Variants in ACAN observed in about 807,000 individuals in gnomAD.
ACAN encodes the protein aggrecan, also known as aggrecan core protein.
Under a neutral mutation model 169.1 loss-of-function variants are expected in ACAN, and 47 were observed. The ratio of observed to expected loss-of-function variants is 0.28; its 90% confidence interval spans 0.22 to 0.35. The LOEUF is 0.35. ACAN is among the 10% of genes least tolerant of loss of function. ACAN has a pLI of 1.00. For missense variants in ACAN, 2,716 were observed against 2,759.9 expected (o/e 0.98, Z 0.36); for synonymous variants, 1,115 against 1,112.2 (o/e 1.00, Z -0.05).
rs1896879709 is a variant in ACAN at position 88,849,515 on chromosome 15, A to G, written c.1810A>G (p.Thr604Ala). ...GGAGTTCTGTGAATCTCACAATGCT[A>G]CGCTGGCCACCACGGGCCAGCTCTA... is the stretch of plus-strand genomic sequence containing the variant. ...ALEFCESHNA[T>A]LATTGQLYAA... The change falls in exon 10 of 19, where the codon ACG becomes GCG. Residue 604 changes from threonine (T) to alanine (A), a missense_variant. This residue lies in a region of ACAN where 1,283 missense variants were observed against 1,281.5 expected (regional missense o/e 1.00). Transcript: ENST00000560601. This position sits in a 1 kb window ranked among gnomAD's most constrained non-coding sequence, Gnocchi z 5.1. The G allele has an allele frequency of 6.2e-7, 1 of 1,606,814 alleles. No homozygotes were observed. The highest frequency in any genetic ancestry group is 1.7e-5 in the Admixed American group (1 of 59,174).
intron 1 of ACAN, among the ~76,000 whole-genome samples, chr15:88,806,124 C>T (rs558470482): frequency 6.6e-6 from 1 of 152,266 alleles, no homozygotes; most frequent in African/African-American, 2.4e-5. Flanking sequence ...GGCTTCATTT[C>T]CTCTTCTCTA....
chr15:88,874,088 C>T lies in ACAN; in HGVS notation c.7630+64C>T. 2 of 1,583,830 alleles carry T rather than the reference C, an allele frequency of 1.3e-6. No homozygotes were observed. Among genetic ancestry groups the T allele is most frequent in the Non-Finnish European group, 8.5e-7 (1 of 1,169,930 alleles). Reference sequence around the variant, plus strand: ...AGATTCTGCCAGCACAGCCTTCCCCCCGTCCCCTCTCCTGGGGACCCTACA... The same window carrying T: ...AGATTCTGCCAGCACAGCCTTCCCCTCGTCCCCTCTCCTGGGGACCCTACA... On this transcript the variant is annotated intron_variant, in intron 18 of 18. Transcript: ENST00000560601. This position sits in a 1 kb window ranked among gnomAD's most constrained non-coding sequence, Gnocchi z 7.3.
chr15:88,867,427 C>T (rs1295715040), intron 13 of ACAN, among the ~76,000 whole-genome samples: 1 of 152,198 alleles, frequency 6.6e-6, no homozygotes, highest in African/African-American at 2.4e-5. Context: ...GCTTGTCTCC[C>T]ACTGGCCAGG....
intron 6 of ACAN, among the ~76,000 whole-genome samples, 198 bp from the exon 7 acceptor site, chr15:88,845,307 A>G (rs1039580425): frequency 1.3e-5 from 2 of 152,142 alleles, no homozygotes; most frequent in African/African-American, 4.8e-5. Context: ...GCAATCTTGA[A>G]ACTGTGGGGA....
intron 1 of ACAN, among the ~76,000 whole-genome samples, chr15:88,811,394 G>T (rs571869721): frequency 1.3e-5 from 2 of 152,328 alleles, no homozygotes; most frequent in African/African-American, 4.8e-5. Context: ...CCAGGCCAAG[G>T]GGCAAGGGGA....
chr15:88,846,323 G>A (rs1419055562), intron 7 of ACAN, among the ~76,000 whole-genome samples: 4 of 152,226 alleles, frequency 2.6e-5, no homozygotes, highest in African/African-American at 7.2e-5. Flanking sequence ...ACTGTGGCCA[G>A]TGGGCTGGGT....
In ACAN at chr15:88,874,658, C is replaced by A; in HGVS notation, c.*177C>A. Reference sequence around the variant, plus strand: ...GCACCCACTCACCCCTCCAAATCAGCAAAACCGCATCTAATTTGTCCGCCG... The same window carrying A: ...GCACCCACTCACCCCTCCAAATCAGAAAAACCGCATCTAATTTGTCCGCCG... On this transcript the variant is annotated 3_prime_UTR_variant, in exon 19 of 19. Coordinates refer to ENST00000560601, the MANE Select transcript of ACAN (RefSeq NM_001369268.1). This position sits in a 1 kb window ranked among gnomAD's most constrained non-coding sequence, Gnocchi z 7.3. The A allele has an allele frequency of 1.4e-6, 1 of 703,064 alleles. No individual in the cohort carries two copies. The highest frequency in any genetic ancestry group is 2.6e-6 in the Non-Finnish European group (1 of 391,448). The allele number at this position is 703,064 out of a possible 1,614,324, so 43.6% of individuals were successfully genotyped here. A position where few individuals can be genotyped will look rare whatever the true frequency, so the allele number is the denominator to read the frequency against.
intron 1 of ACAN, among the ~76,000 whole-genome samples, chr15:88,811,950 C>T (rs1186144285): frequency 6.6e-6 from 1 of 151,830 alleles, no homozygotes; most frequent in Non-Finnish European, 1.5e-5. Flanking sequence ...GAGATTCCCA[C>T]TTGTTTCCTA....
Position 88,871,372 on chromosome 15 carries a change from T to G in ACAN, c.7061-10T>G, listed in dbSNP as rs1421108161. Reference sequence around the variant, plus strand: ...TGCCCCTCCCTTCAAGCCCCTGACCTGTGTTGCAGACCAGGAGGTATGTGA... The same window carrying G: ...TGCCCCTCCCTTCAAGCCCCTGACCGGTGTTGCAGACCAGGAGGTATGTGA... On this transcript the variant is annotated splice_polypyrimidine_tract_variant and intron_variant, in intron 14 of 18. Coordinates refer to ENST00000560601, the MANE Select transcript of ACAN (RefSeq NM_001369268.1). This position sits in a 1 kb window ranked among gnomAD's most constrained non-coding sequence, Gnocchi z 7.8. 1 of 1,613,726 alleles carries G rather than the reference T, an allele frequency of 6.2e-7. No homozygotes were observed.
Position 88,854,959 on chromosome 15 carries a change from G to T in ACAN, c.2374G>T (p.Val792Leu). ...CTCAGAGGAACCATCCCCCTCAGAG[G>T]TGCCATTCCCCTCAGAGGAGCCATC... ...SASEEPSPSE[V>L]PFPSEEPSPS... is the part of the protein sequence containing the mutation. Residue 792 changes from valine to leucine, a missense_variant, in exon 12 of 19, where the codon GTG becomes TTG. By Grantham distance (32) the Val-to-Leu change is conservative (BLOSUM62 1). Around this residue, in one of 3 missense-constraint regions of ACAN, gnomAD observed 1,283 missense variants for 1,281.5 expected, o/e 1.00. Coordinates refer to ENST00000560601, the MANE Select transcript of ACAN (RefSeq NM_001369268.1). 4 of 1,599,850 alleles carry T rather than the reference G, an allele frequency of 2.5e-6. No individual in the cohort carries two copies. The highest frequency in any genetic ancestry group is 3.4e-6 in the Non-Finnish European group (4 of 1,173,628).
Position 88,845,591 on chromosome 15 carries a change from A to C in ACAN, c.1138A>C (p.Met380Leu). 1 of 1,614,056 alleles carries C rather than the reference A, an allele frequency of 6.2e-7. No homozygotes were observed. Among genetic ancestry groups the C allele is most frequent in the Non-Finnish European group, 8.5e-7 (1 of 1,179,910 alleles). The change falls in exon 7 of 19, where the codon ATG becomes CTG. Residue 380 changes from methionine to leucine, a missense_variant. This residue lies in a region of ACAN where 1,283 missense variants were observed against 1,281.5 expected (regional missense o/e 1.00). Coordinates refer to ENST00000560601, the MANE Select transcript of ACAN (RefSeq NM_001369268.1). ...CGTCCAGACAGTGACCTGGCCTGAC[A>C]TGGAGCTGCCACTGCCTCGAAACAT... ...ITVQTVTWPD[M>L]ELPLPRNITE...
At chr15:88,823,513 T>C (rs1896130188) in intron 1 of ACAN, among the ~76,000 whole-genome samples, 1 of 152,130 alleles carries the variant, frequency 6.6e-6, no homozygotes. Flanking sequence ...TTCTCCACTT[T>C]AAACTGGTTT....
chr15:88,809,364 C>T (rs1271137170), intron 1 of ACAN, among the ~76,000 whole-genome samples: 5 of 152,140 alleles, frequency 3.3e-5, no homozygotes, highest in African/African-American at 1.2e-4. Context: ...AACTGCTTCA[C>T]CTCTCAGCCT....
rs1896942997 is a variant in ACAN, at chr15:88,852,008, C to A, written c.2241C>A (p.Thr747=). Reference sequence around the variant, plus strand: ...AGACAGAATGGGAACCAGCCTATACCCCAGTGGGCACATCCCCGCTGCCAG... The same window carrying A: ...AGACAGAATGGGAACCAGCCTATACACCAGTGGGCACATCCCCGCTGCCAG... ...ENQTEWEPAY[T]PVGTSPLPGI... Residue 747 remains threonine (T), a synonymous_variant, in exon 11 of 19, where the codon ACC becomes ACA. Coordinates refer to ENST00000560601, the MANE Select transcript of ACAN (RefSeq NM_001369268.1). 1 of 1,608,548 alleles carries A rather than the reference C, an allele frequency of 6.2e-7. No homozygotes were observed. Among genetic ancestry groups the A allele is most frequent in the East Asian group, 2.2e-5 (1 of 44,540 alleles).
chr15:88,848,486 G>A (rs1396599155), intron 9 of ACAN, among the ~76,000 whole-genome samples: 2 of 152,170 alleles, frequency 1.3e-5, no homozygotes, highest in Non-Finnish European at 2.9e-5. Context: ...AGAGGCAGAG[G>A]TGCCTCAATG....
chr15:88,874,326 G>A lies in ACAN; in HGVS notation c.7631-79G>A. On this transcript the variant is annotated intron_variant, in intron 18 of 18. Transcript: ENST00000560601. The surrounding 1 kb of genome is among the most constrained non-coding windows in gnomAD (Gnocchi z 7.3). ...GTCCTGGTTTCCACAAGGGAGAGAG[G>A]GTAGTCTGGGGAGAGCCTGGGCTCG... 7.4e-7 allele frequency: 1 copy of A among 1,345,148 alleles called. No individual in the cohort carries two copies. The highest frequency in any genetic ancestry group is 1.0e-6 in the Non-Finnish European group (1 of 960,322). The allele number at this position is 1,345,148 out of a possible 1,614,324, so 83.3% of individuals were successfully genotyped here.
chr15:88,836,123 A>G (rs548691999), intron 1 of ACAN, 77 bp from the exon 2 acceptor site: 2 of 1,022,678 alleles, frequency 2.0e-6, no homozygotes, highest in Non-Finnish European at 1.5e-6. Context: ...ATCACTTTGC[A>G]TCATATGTCA....
chr15:88,845,748 T>C lies in ACAN; in HGVS notation c.1295T>C (p.Val432Ala). Residue 432 changes from valine (V) to alanine (A), a missense_variant, in exon 7 of 19, where the codon GTT becomes GCT. Around this residue, in one of 3 missense-constraint regions of ACAN, gnomAD observed 1,283 missense variants for 1,281.5 expected, o/e 1.00. Coordinates refer to ENST00000560601, the MANE Select transcript of ACAN (RefSeq NM_001369268.1). The stretch of plus-strand genomic sequence containing the variant: ...ATAGGGGCCACTGCCTTCGCTGAGG[T>C]TGAGAATGAGACTGGAGAGGCCACC... ...PEIGATAFAE[V>A]ENETGEATRP... The C allele has an allele frequency of 6.2e-7, 1 of 1,613,288 alleles. No individual in the cohort carries two copies. Among genetic ancestry groups the C allele is most frequent in the Non-Finnish European group, 8.5e-7 (1 of 1,179,566 alleles).
chr15:88,821,505 C>T (rs1660451268), intron 1 of ACAN, among the ~76,000 whole-genome samples: 1 of 152,226 alleles, frequency 6.6e-6, no homozygotes. Flanking sequence ...GGTAGATTCA[C>T]AGCTGGTCCA....
Sources: gnomAD v4.1 joint callset for allele counts (sites outside exome capture counted in the v4.1 genomes callset) on GRCh38, gnomAD v4.1.1 for gene constraint, gnomAD v4.1.1 regional missense constraint, Gnocchi (gnomAD v3.1) non-coding constraint, MANE v1.5 for transcripts, NCBI Gene and HGNC (gene_info 2026-07-23, HGNC 2026-07-21) for gene names.